The following FIGN variants were observed in gnomAD, a reference collection of about 807,000 sequenced individuals.
FIGN encodes fidgetin, microtubule severing factor.
Under a neutral mutation model 51.3 loss-of-function variants are expected in FIGN, and 11 were observed. The observed-to-expected ratio is 0.21, with a 90% CI of 0.13 to 0.35. The LOEUF is 0.35. Ranked by LOEUF, FIGN falls within the 10% of genes least tolerant of loss-of-function variation. The probability of loss-of-function intolerance (pLI) is 1.00; values close to 1 mark genes in which losing one functional copy is unlikely to be tolerated. For missense variants in FIGN, 857 were observed against 943.6 expected, an observed-to-expected ratio of 0.91 and a Z score of 1.20; for synonymous variants, 407 against 363.2, an observed-to-expected ratio of 1.12 and a Z score of -1.37.
At chr2:163,622,028 T>C (rs1682981155) in intron 2 of FIGN, among the ~76,000 whole-genome samples, 1 of 152,168 alleles carries the variant, frequency 6.6e-6, no homozygotes, top group Non-Finnish European at 1.5e-5. Flanking sequence ...AAATGGCTGA[T>C]CCAGTCCTGT....
rs1323288183 is a variant in FIGN at position 163,607,914 on chromosome 2, CAG to C, written c.*1636_*1637del. 3.9e-5 allele frequency: 6 copies of C among 152,508 alleles called. No individual in the cohort carries two copies. Among genetic ancestry groups the C allele is most frequent in the African/African-American group, 1.5e-4 (6 of 41,378 alleles). 9.4% of individuals were successfully genotyped at this position (152,508 alleles called of 1,614,324 possible). On this transcript the variant is annotated 3_prime_UTR_variant, in exon 3 of 3. Coordinates refer to ENST00000333129, the MANE Select transcript of FIGN (RefSeq NM_018086.4). ...TTAAAGGATACAAAGAACAACTTGA[CAG>C]AGAGCAGGAGAAAAATAGGAAATTA...
At chr2:163,724,319 T>C (rs548924392) in intron 2 of FIGN, among the ~76,000 whole-genome samples, 1 of 152,200 alleles carries the variant, frequency 6.6e-6, no homozygotes, top group Non-Finnish European at 1.5e-5. Flanking sequence ...GTACATGTCA[T>C]TAGTATATTC....
chr2:163,637,140 A>G (rs1365440097), intron 2 of FIGN, among the ~76,000 whole-genome samples: 1 of 152,330 alleles, frequency 6.6e-6, no homozygotes, highest in East Asian at 1.9e-4. Flanking sequence ...GTAAATGTGT[A>G]TTGAGGGACT....
chr2:163,689,641 A>G (rs1455614591), intron 2 of FIGN, among the ~76,000 whole-genome samples: 3 of 152,156 alleles, frequency 2.0e-5, no homozygotes, highest in African/African-American at 7.2e-5. Context: ...GCCTTGACCA[A>G]TATTTATTGC....
intron 2 of FIGN, among the ~76,000 whole-genome samples, chr2:163,652,448 A>G (rs1273149205): frequency 6.9e-6 from 1 of 144,498 alleles, no homozygotes; most frequent in East Asian, 2.1e-4. Context: ...ACTTAGGGAT[A>G]GGATTTTTCT....
chr2:163,638,672 T>C (rs983570625), intron 2 of FIGN, among the ~76,000 whole-genome samples: 3 of 152,210 alleles, frequency 2.0e-5, no homozygotes, highest in African/African-American at 7.2e-5. Context: ...AAATTCTGCC[T>C]GAGTAACTGC....
chr2:163,670,338 C>T (rs1426913657), intron 2 of FIGN, among the ~76,000 whole-genome samples: 1 of 152,042 alleles, frequency 6.6e-6, no homozygotes, highest in African/African-American at 2.4e-5. Context: ...AAAACAAACC[C>T]CCCACAACAA....
chr2:163,635,538 T>G (rs1408689013), intron 2 of FIGN, among the ~76,000 whole-genome samples: 1 of 152,184 alleles, frequency 6.6e-6, no homozygotes, highest in Non-Finnish European at 1.5e-5. Context: ...ACTGCATTCC[T>G]GCCTGGGCGA....
chr2:163,679,684 G>T (rs1356876331), intron 2 of FIGN, among the ~76,000 whole-genome samples: 10 of 152,090 alleles, frequency 6.6e-5, no homozygotes, highest in African/African-American at 1.9e-4. Flanking sequence ...AGGTTTAAAG[G>T]TTCAATTTTC....
intron 2 of FIGN, among the ~76,000 whole-genome samples, chr2:163,635,319 GT>G (rs1683208436): frequency 6.6e-6 from 1 of 152,204 alleles, no homozygotes. Flanking sequence ...TGTAATTCCA[GT>G]ACTTTGGAAG....
intron 2 of FIGN, among the ~76,000 whole-genome samples, chr2:163,647,471 G>T (rs1486962738): frequency 1.3e-5 from 2 of 152,212 alleles, no homozygotes; most frequent in South Asian, 2.1e-4. Context: ...TAGAGATATG[G>T]ACAGAAAGAA....
intron 2 of FIGN, among the ~76,000 whole-genome samples, chr2:163,700,955 T>C (rs1261710207): frequency 6.6e-6 from 1 of 152,146 alleles, no homozygotes; most frequent in African/African-American, 2.4e-5. Context: ...TGGAACACAC[T>C]AGATGTACAA....
intron 2 of FIGN, among the ~76,000 whole-genome samples, chr2:163,615,723 C>A (rs1457748288): frequency 2.0e-5 from 3 of 152,064 alleles, no homozygotes; most frequent in Non-Finnish European, 4.4e-5. Context: ...ACTATTTTAA[C>A]ATTATTAGAA....
At chr2:163,712,137 C>G (rs1684596905) in intron 2 of FIGN, among the ~76,000 whole-genome samples, 1 of 152,054 alleles carries the variant, frequency 6.6e-6, no homozygotes, top group Non-Finnish European at 1.5e-5. Flanking sequence ...TAAAGGGTAA[C>G]CCTATTTCAC....
intron 2 of FIGN, among the ~76,000 whole-genome samples, chr2:163,660,437 T>C (rs1368049636): frequency 6.6e-6 from 1 of 151,960 alleles, no homozygotes; most frequent in Non-Finnish European, 1.5e-5. Flanking sequence ...CACTACAGCA[T>C]AGAAATATTT....
In FIGN at chr2:163,606,398, T is replaced by C. The variant is rs2105295393; in HGVS notation, c.*3154A>G. 1 of 152,300 alleles carries C rather than the reference T, an allele frequency of 6.6e-6. No individual in the cohort carries two copies. Among genetic ancestry groups the C allele is most frequent in the East Asian group, 1.9e-4 (1 of 5,180 alleles). 9.4% of individuals were successfully genotyped at this position (152,300 alleles called of 1,614,324 possible). ...GTCCCTGTTGGAAATGTTGCTGCAG[T>C]TGGGAAGAAGGGAATTAGGGGCTGT... On this transcript the variant is annotated 3_prime_UTR_variant, in exon 3 of 3. Coordinates refer to ENST00000333129, the MANE Select transcript of FIGN (RefSeq NM_018086.4).
In FIGN at chr2:163,644,049, C is replaced by T. The variant is rs575535941; in HGVS notation, c.26-32243G>A. ...AAACACAGGGATTTGGCGAAGAATT[C>T]TTAGATATGACCCAAAAGCATGAGC... On this transcript the variant is annotated intron_variant, in intron 2 of 2. Coordinates refer to ENST00000333129, the MANE Select transcript of FIGN (RefSeq NM_018086.4). Among the ~76,000 whole-genome samples, 5 of 148,168 alleles carry T rather than the reference C, an allele frequency of 3.4e-5. No individual in the cohort carries two copies. The South Asian group carries it at 1.1e-3, about 33-fold the overall frequency.
intron 2 of FIGN, among the ~76,000 whole-genome samples, chr2:163,708,258 C>A (rs7559337): frequency 0.014 from 2,179 of 151,190 alleles, 45 homozygotes; most frequent in African/African-American, 0.049. Flanking sequence ...TGATAGCTGA[C>A]CCTAACCAGT....
chr2:163,715,992 T>G (rs1684660826), intron 2 of FIGN, among the ~76,000 whole-genome samples: 2 of 152,238 alleles, frequency 1.3e-5, no homozygotes, highest in African/African-American at 4.8e-5. Flanking sequence ...TTAAGCAGCT[T>G]ATAGTGCCAA....
Sources: allele counts gnomAD v4.1 joint callset (sites outside exome capture counted in the v4.1 genomes callset), GRCh38; gene constraint gnomAD v4.1.1; transcripts MANE v1.5; gene names NCBI Gene and HGNC (gene_info 2026-07-23, HGNC 2026-07-21).